Variants in DPP6 observed in about 807,000 individuals in gnomAD.
DPP6 encodes the protein A-type potassium channel modulatory protein DPP6.
In DPP6, 69 loss-of-function variants were observed where a neutral mutation model predicts 122.6. The observed-to-expected ratio is 0.56, with a 90% CI of 0.46 to 0.69. DPP6 has a LOEUF of 0.69. Ranked by LOEUF, DPP6 falls within the 30% of genes least tolerant of loss-of-function variation. The pLI is 0.00. For missense variants in DPP6, 928 were observed against 1,116.9 expected, an observed-to-expected ratio of 0.83 and a Z score of 2.41; for synonymous variants, 418 against 433.1, an observed-to-expected ratio of 0.97 and a Z score of 0.43.
chr7:153,806,345 C>T, the DPP6 span, among the ~76,000 whole-genome samples: 18 of 152,092 alleles, frequency 1.2e-4, no homozygotes, highest in South Asian at 2.7e-3. Flanking sequence ...GAATTCTAAG[C>T]ACTTTATACT....
In DPP6 at chr7:154,337,546, CCA is replaced by C. The variant is rs1200123483; in HGVS notation, c.244-108667_244-108666del. On this transcript the variant is annotated intron_variant, in intron 1 of 25. Coordinates refer to ENST00000377770, the MANE Select transcript of DPP6 (RefSeq NM_130797.4). ...ACTCAGTGGCAAATTATGACACAGG[CCA>C]AGGTCTATCCTTGCACCATCTGTCA... is the stretch of plus-strand genomic sequence containing the variant. Among the ~76,000 whole-genome samples, 4 of 152,236 alleles carry C rather than the reference CCA, an allele frequency of 2.6e-5. No individual in the cohort carries two copies. The East Asian group carries it at 7.7e-4, about 29-fold the overall frequency.
At chr7:154,023,317 T>TACACACACACACACAC (rs1563109129) in intron 1 of DPP6, among the ~76,000 whole-genome samples, 4 of 40,964 alleles carry the variant, frequency 9.8e-5, no homozygotes, top group Non-Finnish European at 1.3e-4. Flanking sequence ...GTTTCTTGTC[T>TACACACACACACACAC]GCACACACAC....
chr7:153,901,941 T>A (rs1157440691), intron 1 of DPP6, among the ~76,000 whole-genome samples: 1 of 152,344 alleles, frequency 6.6e-6, no homozygotes, highest in East Asian at 1.9e-4. Context: ...AAGGTTTAGT[T>A]GTAGCAAAAA....
At chr7:153,996,765 A>G (rs908107985) in intron 1 of DPP6, among the ~76,000 whole-genome samples, 1 of 152,238 alleles carries the variant, frequency 6.6e-6, no homozygotes, top group Non-Finnish European at 1.5e-5. Context: ...ACAAACAACA[A>G]AAGGTAATTC....
chr7:154,116,991 C>G (rs1807036635), intron 1 of DPP6, among the ~76,000 whole-genome samples: 1 of 152,018 alleles, frequency 6.6e-6, no homozygotes, highest in Non-Finnish European at 1.5e-5. Context: ...TCCAAAAGGC[C>G]TCTCTTCTCC....
Position 154,621,933 on chromosome 7 carries a change from G to A in DPP6, c.628-15888G>A, listed in dbSNP as rs142997515. Among the ~76,000 whole-genome samples, 189 of 152,274 alleles carry A rather than the reference G, an allele frequency of 1.2e-3. 1 individual carries two copies. Among genetic ancestry groups the A allele is most frequent in the African/African-American group, 4.1e-3 (169 of 41,540 alleles). ...GATGTAAAGTACTAACTGTGCAAAC[G>A]TGCGGCACTCAACAATTTTAGGAGC... On this transcript the variant is annotated intron_variant, in intron 5 of 25. Coordinates refer to ENST00000377770, the MANE Select transcript of DPP6 (RefSeq NM_130797.4).
chr7:154,579,678 G>T (rs544717479), intron 5 of DPP6, among the ~76,000 whole-genome samples: 1 of 152,150 alleles, frequency 6.6e-6, no homozygotes, highest in Non-Finnish European at 1.5e-5. Context: ...CCCCCCATGG[G>T]GGGGCCCAAA....
intron 16 of DPP6, among the ~76,000 whole-genome samples, chr7:154,835,906 C>T (rs1211743563): frequency 2.0e-5 from 3 of 152,196 alleles, no homozygotes; most frequent in African/African-American, 7.2e-5. Flanking sequence ...ACAACCTCCA[C>T]CTGATATGCC....
At chr7:154,610,882 G>C (rs889102957) in intron 5 of DPP6, among the ~76,000 whole-genome samples, 4 of 152,108 alleles carry the variant, frequency 2.6e-5, no homozygotes, top group Non-Finnish European at 4.4e-5. Context: ...TGTGGTGCTA[G>C]ACTTTGGCTT....
chr7:153,846,696 T>C, the DPP6 span, among the ~76,000 whole-genome samples: 4 of 141,176 alleles, frequency 2.8e-5, no homozygotes, highest in African/African-American at 1.1e-4. Flanking sequence ...TCTTTTTTTT[T>C]TTTTTTTTTT....
In DPP6 at chr7:154,892,928, T is replaced by TA. The variant is rs756625497; in HGVS notation, c.*449dup. 5.7e-6 allele frequency: 3 copies of TA among 522,224 alleles called. No individual in the cohort carries two copies. The East Asian group carries it at 1.6e-4, about 28-fold the overall frequency. The allele number at this position is 522,224 out of a possible 1,614,324, so 32.3% of individuals were successfully genotyped here. On this transcript the variant is annotated 3_prime_UTR_variant, in exon 26 of 26. Transcript: ENST00000377770. ...GTCGCAGTGCCATGGACGCAGCAGT[T>TA]ACAGCACCATTGTTTTAGCAGTGCG... is the stretch of plus-strand genomic sequence containing the variant.
intron 1 of DPP6, among the ~76,000 whole-genome samples, chr7:154,238,342 C>A (rs1413050859): frequency 6.6e-6 from 1 of 152,092 alleles, no homozygotes. Context: ...AATATTGACA[C>A]ATATTAAAGA....
chr7:154,852,500 G>GCCTCTCCTCCCTCTCCTCCCTCTCCTC (rs1554486772), intron 16 of DPP6, among the ~76,000 whole-genome samples: 8 of 144,042 alleles, frequency 5.6e-5, no homozygotes, highest in African/African-American at 1.8e-4. Flanking sequence ...TGCCTCTCCT[G>GCCTCTCCTCCCTCTCCTCCCTCTCCTC]CCTCTCCTCC....
At chr7:154,387,444 G>T (rs1312299828) in intron 1 of DPP6, among the ~76,000 whole-genome samples, 1 of 152,192 alleles carries the variant, frequency 6.6e-6, no homozygotes, top group East Asian at 1.9e-4. Flanking sequence ...ATTCAGGAAG[G>T]CTTCCTGGAA....
intron 1 of DPP6, among the ~76,000 whole-genome samples, chr7:154,090,369 G>A (rs1300198336): frequency 6.6e-6 from 1 of 152,196 alleles, no homozygotes; most frequent in Non-Finnish European, 1.5e-5. Flanking sequence ...TTCAGGTTCT[G>A]TGTAGCTTAG....
intron 1 of DPP6, among the ~76,000 whole-genome samples, chr7:154,091,715 C>G (rs368628648): frequency 1.3e-5 from 2 of 152,154 alleles, no homozygotes; most frequent in Admixed American, 6.5e-5. Flanking sequence ...TCTTCCCCCC[C>G]TCACCACGTG....
rs997419119 is a variant in DPP6, at chr7:154,282,993, G to A, written c.244-163221G>A. 1.3e-5 allele frequency among the ~76,000 whole-genome samples: 2 copies of A among 152,072 alleles called. No homozygotes were observed. Among genetic ancestry groups the A allele is most frequent in the African/African-American group, 4.8e-5 (2 of 41,402 alleles). On this transcript the variant is annotated intron_variant, in intron 1 of 25. Transcript: ENST00000377770. The surrounding 1 kb of genome is among the most constrained non-coding windows in gnomAD (Gnocchi z 4.8). ...AGAACACGTCTCTCTCTGGACTCAG[G>A]GACAATACCCATACATATCTGTGGA...
At chr7:154,416,111 T>C (rs1254527770) in intron 1 of DPP6, among the ~76,000 whole-genome samples, 1 of 152,044 alleles carries the variant, frequency 6.6e-6, no homozygotes, top group Non-Finnish European at 1.5e-5. Context: ...CTGTTCTGAG[T>C]AGCATTATGA....
At position 154,425,160 on chromosome 7, in the gene DPP6, C is replaced by T. The variant is rs570300212; in HGVS notation, c.244-21054C>T. 5.3e-4 allele frequency among the ~76,000 whole-genome samples: 80 copies of T among 152,152 alleles called. 1 individual carries two copies. The South Asian group carries it at 7.1e-3, about 13-fold the overall frequency. On this transcript the variant is annotated intron_variant, in intron 1 of 25. Coordinates refer to ENST00000377770, the MANE Select transcript of DPP6 (RefSeq NM_130797.4). ...TCTCTCTGGAAAGGAGGTATTGAGT[C>T]GTCTTAGATTAACTCATGGTCTTCC...
Sources: allele counts gnomAD v4.1 joint callset (sites outside exome capture counted in the v4.1 genomes callset), GRCh38; gene constraint gnomAD v4.1.1; non-coding constraint Gnocchi (gnomAD v3.1); transcripts MANE v1.5; gene names NCBI Gene and HGNC (gene_info 2026-07-23, HGNC 2026-07-21).